CPXM2: variants seen among roughly 807,000 people sequenced by gnomAD.
CPXM2 encodes carboxypeptidase X, M14 family member 2.
In CPXM2, 66 loss-of-function variants were observed where a neutral mutation model predicts 86.1. The ratio of observed to expected loss-of-function variants is 0.77; its 90% CI spans 0.63 to 0.94. The LOEUF is 0.94. Ranked by LOEUF, CPXM2 falls within the 40% of genes least tolerant of loss-of-function variation. The pLI, the probability that CPXM2 is intolerant of heterozygous loss-of-function variation, is 0.00. For missense variants in CPXM2, 948 were observed against 1,026.3 expected (o/e 0.92, Z 1.04); for synonymous variants, 388 against 400.2 (o/e 0.97, Z 0.36).
intron 2 of CPXM2, among the ~76,000 whole-genome samples, chr10:123,935,420 C>A (rs1264921842): frequency 6.6e-6 from 1 of 152,196 alleles, no homozygotes; most frequent in East Asian, 1.9e-4. Context: ...CAACACCCAA[C>A]CATTCCAGCT....
chr10:123,894,463 C>A (rs1314127700), upstream of CPXM2, among the ~76,000 whole-genome samples: 1 of 152,172 alleles, frequency 6.6e-6, no homozygotes, highest in Non-Finnish European at 1.5e-5. Context: ...GATGCCAGTT[C>A]TCCCAACACA....
At chr10:123,766,698 T>C (rs576253407) in intron 10 of CPXM2, among the ~76,000 whole-genome samples, 1 of 152,326 alleles carries the variant, frequency 6.6e-6, no homozygotes, top group East Asian at 1.9e-4. Context: ...ATAAAGGTAG[T>C]AACAAACATG....
chr10:123,915,290 G>A (rs1326697660), intron 2 of CPXM2, among the ~76,000 whole-genome samples: 1 of 152,214 alleles, frequency 6.6e-6, no homozygotes, highest in Non-Finnish European at 1.5e-5. Flanking sequence ...GGGTGCGGTG[G>A]CTCATAGCTG....
chr10:123,875,538 G>C (rs928173898), intron 2 of CPXM2, among the ~76,000 whole-genome samples: 11 of 152,300 alleles, frequency 7.2e-5, no homozygotes, highest in African/African-American at 2.4e-4. Flanking sequence ...GAACTGTCTG[G>C]TTATGCAATG....
At chr10:123,831,932 G>A (rs1370898624) in intron 4 of CPXM2, among the ~76,000 whole-genome samples, 3 of 148,172 alleles carry the variant, frequency 2.0e-5, no homozygotes, top group Non-Finnish European at 4.5e-5. Flanking sequence ...ACATCCTGTG[G>A]GTGGAGGCCG....
intron 3 of CPXM2, among the ~76,000 whole-genome samples, chr10:123,845,387 T>G (rs1188333916): frequency 6.6e-6 from 1 of 151,964 alleles, no homozygotes; most frequent in Non-Finnish European, 1.5e-5. Context: ...TAATTAATAT[T>G]TCTAGAAAGG....
At chr10:123,836,523 C>A (rs1848284947) in intron 4 of CPXM2, among the ~76,000 whole-genome samples, 1 of 152,174 alleles carries the variant, frequency 6.6e-6, no homozygotes, top group Non-Finnish European at 1.5e-5. Context: ...AACATACCAC[C>A]AAGCGTGCCC....
intron 6 of CPXM2, among the ~76,000 whole-genome samples, chr10:123,780,693 G>A (rs992924929): frequency 6.6e-6 from 1 of 152,120 alleles, no homozygotes; most frequent in African/African-American, 2.4e-5. Flanking sequence ...GAGACTTCTG[G>A]AAGGATGTGG....
intron 5 of CPXM2, among the ~76,000 whole-genome samples, chr10:123,798,592 G>A (rs950061544): frequency 1.3e-5 from 2 of 152,208 alleles, no homozygotes; most frequent in African/African-American, 4.8e-5. Context: ...AAGGACACAG[G>A]ACTGTGTGTA....
chr10:123,880,145 T>TTGGCCC, intron 2 of CPXM2, 66 bp downstream of exon 2: 2 of 407,580 alleles, frequency 4.9e-6, no homozygotes, highest in South Asian at 2.7e-5. Flanking sequence ...CAGGGGCCTG[T>TTGGCCC]ACCCACCCAC....
chr10:123,900,960 A>G (rs1026780888), intron 2 of CPXM2, among the ~76,000 whole-genome samples: 4 of 152,158 alleles, frequency 2.6e-5, no homozygotes, highest in African/African-American at 9.7e-5. Flanking sequence ...GTCAGCCCAC[A>G]CTAATTATCT....
At chr10:123,857,743 C>T (rs1266033524) in intron 3 of CPXM2, among the ~76,000 whole-genome samples, 2 of 152,222 alleles carry the variant, frequency 1.3e-5, no homozygotes, top group South Asian at 2.1e-4. Flanking sequence ...TGCACCAGCA[C>T]AGGCCCCACT....
intron 4 of CPXM2, among the ~76,000 whole-genome samples, chr10:123,810,182 C>T (rs1015078840): frequency 6.6e-6 from 1 of 151,632 alleles, no homozygotes; most frequent in African/African-American, 2.4e-5. Flanking sequence ...ATTCAGTTTG[C>T]CAGGAATAAA....
chr10:123,918,760 T>C (rs1006523288), intron 2 of CPXM2, among the ~76,000 whole-genome samples: 2 of 152,194 alleles, frequency 1.3e-5, no homozygotes, highest in African/African-American at 4.8e-5. Flanking sequence ...ATGGAAGCCA[T>C]ACAAGCATGT....
At chr10:123,845,998 C>A (rs570329637) in intron 3 of CPXM2, among the ~76,000 whole-genome samples, 7 of 152,106 alleles carry the variant, frequency 4.6e-5, no homozygotes, top group Admixed American at 4.6e-4. Context: ...ATCATGATGG[C>A]AAAATAAAGA....
chr10:123,768,144 T>C (rs1050785900), intron 9 of CPXM2, among the ~76,000 whole-genome samples: 6 of 152,226 alleles, frequency 3.9e-5, no homozygotes, highest in African/African-American at 1.4e-4. Flanking sequence ...TCCCAGCACT[T>C]TGGGAGGCCA....
chr10:123,883,371 T>C (rs1945125633), intron 1 of CPXM2, among the ~76,000 whole-genome samples: 1 of 152,216 alleles, frequency 6.6e-6, no homozygotes, highest in African/African-American at 2.4e-5. Context: ...CTGCCATGTC[T>C]GCCCCTGTAC....
At chr10:123,797,403 G>A (rs1847355998) in intron 6 of CPXM2, among the ~76,000 whole-genome samples, 1 of 152,052 alleles carries the variant, frequency 6.6e-6, no homozygotes, top group African/African-American at 2.4e-5. Flanking sequence ...AATCACTATA[G>A]GCAAAACTAC....
At chr10:123,939,269 A>G (rs1280539366) in intron 2 of CPXM2, among the ~76,000 whole-genome samples, 1 of 152,170 alleles carries the variant, frequency 6.6e-6, no homozygotes, top group East Asian at 1.9e-4. Flanking sequence ...GGCTGGAAAT[A>G]GGACTCACAT....
Sources: allele counts gnomAD v4.1 joint callset (sites outside exome capture counted in the v4.1 genomes callset), GRCh38; gene constraint gnomAD v4.1.1; transcripts MANE v1.5; gene names NCBI Gene and HGNC (gene_info 2026-07-23, HGNC 2026-07-21).